ZBTB26: variants seen among roughly 807,000 people sequenced by gnomAD.
ZBTB26 encodes the protein zinc finger and BTB domain-containing protein 26.
ZBTB26 carries 12 observed loss-of-function variants against 31.6 expected under a neutral mutation model. The observed-to-expected ratio is 0.38, with a 90% CI of 0.24 to 0.61. ZBTB26 has a LOEUF of 0.61. Ranked by LOEUF, ZBTB26 falls within the 20% of genes least tolerant of loss-of-function variation. The pLI, the probability that ZBTB26 is intolerant of heterozygous loss-of-function variation, is 0.60. For synonymous variants in ZBTB26, 155 were observed against 182.9 expected, an observed-to-expected ratio of 0.85 and a Z score of 1.23; for missense variants, 311 against 521.9, an observed-to-expected ratio of 0.60 and a Z score of 3.94.
Position 122,918,652 on chromosome 9 carries a change from T to C in ZBTB26, c.1283A>G (p.Gln428Arg), listed in dbSNP as rs959500116. ...TQVLDAGKLA[Q>R]AVLNLRNDST... is the part of the protein sequence containing the mutation. The stretch of plus-strand genomic sequence containing the variant: ...ATCATTTCTTAAGTTCAGGACAGCT[T>C]GGGCCAGTTTACCTGCATCCAGGAC... Residue 428 changes from glutamine to arginine, a missense_variant, in exon 2 of 2, where the codon CAA becomes CGA. Physicochemically the swap from Gln to Arg is conservative, Grantham distance 43. This residue lies in a region of ZBTB26 where 49 missense variants were observed against 66.0 expected (regional missense o/e 0.74). Coordinates refer to ENST00000373656, the MANE Select transcript of ZBTB26 (RefSeq NM_020924.4). 7 of 1,614,178 alleles carry C rather than the reference T, an allele frequency of 4.3e-6. No individual in the cohort carries two copies. The highest frequency in any genetic ancestry group is 5.9e-6 in the Non-Finnish European group (7 of 1,180,016).
intron 1 of ZBTB26, among the ~76,000 whole-genome samples, chr9:122,921,094 T>C (rs1293291384): frequency 6.6e-6 from 1 of 152,210 alleles, no homozygotes; most frequent in African/African-American, 2.4e-5. Flanking sequence ...CATTCAACAA[T>C]GGAGAAGGTA....
At chr9:122,928,131 G>A (rs1247195492) in intron 1 of ZBTB26, among the ~76,000 whole-genome samples, 12 of 152,086 alleles carry the variant, frequency 7.9e-5, no homozygotes, top group East Asian at 1.9e-4. Flanking sequence ...CGCTGTGCCC[G>A]GCCCCTCCTG....
chr9:122,924,852 C>T (rs573875563), intron 1 of ZBTB26, among the ~76,000 whole-genome samples: 7 of 151,970 alleles, frequency 4.6e-5, no homozygotes, highest in Admixed American at 1.3e-4. Context: ...AGTGTAGTGG[C>T]GCAATCAAAT....
Position 122,918,402 on chromosome 9 carries a change from A to C in ZBTB26, c.*207T>G. ...AAAGGAAAACAGACTTTACAAGATA[A>C]ATAACTCAAAACAGAAAATGGGAGA... On this transcript the variant is annotated 3_prime_UTR_variant, in exon 2 of 2. Coordinates refer to ENST00000373656, the MANE Select transcript of ZBTB26 (RefSeq NM_020924.4). 1 of 618,752 alleles carries C rather than the reference A, an allele frequency of 1.6e-6. No individual in the cohort carries two copies. The highest frequency in any genetic ancestry group is 2.4e-5 in the South Asian group (1 of 41,892). The allele number at this position is 618,752 out of a possible 1,614,324, so 38.3% of individuals were successfully genotyped here. A position where few individuals can be genotyped will look rare whatever the true frequency, so the allele number is the denominator to read the frequency against.
At position 122,917,690 on chromosome 9, in the gene ZBTB26, A is replaced by T. The variant is rs1833032630; in HGVS notation, c.*919T>A. 1 of 152,198 alleles carries T rather than the reference A, an allele frequency of 6.6e-6. No individual in the cohort carries two copies. The highest frequency in any genetic ancestry group is 1.5e-5 in the Non-Finnish European group (1 of 68,034). 9.4% of individuals were successfully genotyped at this position (152,198 alleles called of 1,614,324 possible). On this transcript the variant is annotated 3_prime_UTR_variant, in exon 2 of 2. Coordinates refer to ENST00000373656, the MANE Select transcript of ZBTB26 (RefSeq NM_020924.4). Reference sequence around the variant, plus strand: ...GCACAGGACAAAACTCTGATGGCCAAACTCACCTTTCTGATGGCTAAACTC... The same window carrying T: ...GCACAGGACAAAACTCTGATGGCCATACTCACCTTTCTGATGGCTAAACTC...
intron 1 of ZBTB26, among the ~76,000 whole-genome samples, chr9:122,924,488 T>G (rs1833148036): frequency 6.6e-6 from 1 of 152,218 alleles, no homozygotes; most frequent in Non-Finnish European, 1.5e-5. Flanking sequence ...TGTTCCCCCA[T>G]GAAATTATTA....
At chr9:122,928,021 G>T (rs1833209682) in intron 1 of ZBTB26, among the ~76,000 whole-genome samples, 1 of 152,036 alleles carries the variant, frequency 6.6e-6, no homozygotes, top group Non-Finnish European at 1.5e-5. Flanking sequence ...TTTTAGTAGA[G>T]ATGGGGTTTC....
intron 1 of ZBTB26, among the ~76,000 whole-genome samples, chr9:122,925,210 A>C (rs1316601289): frequency 6.6e-6 from 1 of 151,942 alleles, no homozygotes; most frequent in East Asian, 1.9e-4. Flanking sequence ...CCGTCTCTAC[A>C]AAAAATACAA....
At chr9:122,925,694 G>T (rs1445002337) in intron 1 of ZBTB26, among the ~76,000 whole-genome samples, 1 of 151,212 alleles carries the variant, frequency 6.6e-6, no homozygotes, top group African/African-American at 2.4e-5. Flanking sequence ...TGCCTCCTGG[G>T]TTCAAGTGAT....
chr9:122,919,008 C>T lies in ZBTB26; in HGVS notation c.927G>A (p.Gln309=). Residue 309 remains glutamine (Q), a synonymous_variant, in exon 2 of 2, where the codon CAG becomes CAA. Coordinates refer to ENST00000373656, the MANE Select transcript of ZBTB26 (RefSeq NM_020924.4). This position sits in a 1 kb window ranked among gnomAD's most constrained non-coding sequence, Gnocchi z 6.1. ...MCLLCGKTFT[Q]KGNLHRHMRV... Reference sequence around the variant, plus strand: ...GCATGTGTCGATGAAGGTTGCCTTTCTGAGTGAAAGTCTTGCCGCAGAGTA... The same window carrying T: ...GCATGTGTCGATGAAGGTTGCCTTTTTGAGTGAAAGTCTTGCCGCAGAGTA... 1.2e-6 allele frequency: 2 copies of T among 1,614,170 alleles called. No individual in the cohort carries two copies. Among genetic ancestry groups the T allele is most frequent in the Non-Finnish European group, 1.7e-6 (2 of 1,180,040 alleles).
rs1833055656 is a variant in ZBTB26 at position 122,918,961 on chromosome 9, G to T, written c.974C>A (p.Pro325His). 6.2e-7 allele frequency: 1 copy of T among 1,614,230 alleles called. No individual in the cohort carries two copies. The highest frequency in any genetic ancestry group is 8.5e-7 in the Non-Finnish European group (1 of 1,180,040). The change falls in exon 2 of 2, where the codon CCT (proline) becomes CAT (histidine). Residue 325 changes from proline (P) to histidine (H), a missense_variant. This residue lies in a region of ZBTB26 where 25 missense variants were observed against 93.0 expected (regional missense o/e 0.27). Coordinates refer to ENST00000373656, the MANE Select transcript of ZBTB26 (RefSeq NM_020924.4). ...TTTCCCACAGATTTTACACTGGAAA[G>T]GTTTAATTCCGGCATGCACACGCAT... ...RHMRVHAGIK[P>H]FQCKICGKTF...
At chr9:122,921,931 C>T (rs1833105678) in intron 1 of ZBTB26, among the ~76,000 whole-genome samples, 2 of 147,772 alleles carry the variant, frequency 1.4e-5, no homozygotes, top group South Asian at 4.3e-4. Flanking sequence ...AACTCCATCA[C>T]AAAAACAAAA....
At position 122,919,103 on chromosome 9, in the gene ZBTB26, A is replaced by G; in HGVS notation, c.832T>C (p.Cys278Arg). ...GLQWHHQCPK[C>R]TRVFRHLENY... is the part of the protein sequence containing the mutation. ...TCCAGGTGACGAAACACCCTGGTACACTTTGGGCACTGGTGATGCCACTGT... is the reference window on the plus strand; with the variant it reads ...TCCAGGTGACGAAACACCCTGGTACGCTTTGGGCACTGGTGATGCCACTGT... The change falls in exon 2 of 2, where the codon TGT (cysteine) becomes CGT (arginine). Residue 278 changes from cysteine to arginine, a missense_variant. Cys to Arg is a radical substitution (Grantham distance 180). Coordinates refer to ENST00000373656, the MANE Select transcript of ZBTB26 (RefSeq NM_020924.4). This position sits in a 1 kb window ranked among gnomAD's most constrained non-coding sequence, Gnocchi z 6.1. 6.2e-7 allele frequency: 1 copy of G among 1,614,188 alleles called. No individual in the cohort carries two copies. The highest frequency in any genetic ancestry group is 8.5e-7 in the Non-Finnish European group (1 of 1,180,030).
intron 1 of ZBTB26, among the ~76,000 whole-genome samples, chr9:122,927,888 T>G (rs1170050849): frequency 6.6e-6 from 1 of 152,170 alleles, no homozygotes; most frequent in African/African-American, 2.4e-5. Flanking sequence ...CAGGCTTGAG[T>G]GCAGTGGTGC....
At position 122,925,746 on chromosome 9, in the gene ZBTB26, C is replaced by T. The variant is rs543015060; in HGVS notation, c.-11+5691G>A. On this transcript the variant is annotated intron_variant, in intron 1 of 1. Transcript: ENST00000373656. ...CCTGAGTAGCTGGGATTACAGGTGC[C>T]TGCCACCATGCCCAGCTAATTTTTT... Among the ~76,000 whole-genome samples the T allele has an allele frequency of 2.5e-3, 372 of 147,744 alleles. 2 individuals are homozygous for T. Among genetic ancestry groups the T allele is most frequent in the African/African-American group, 8.8e-3 (349 of 39,794 alleles).
intron 1 of ZBTB26, among the ~76,000 whole-genome samples, chr9:122,920,592 A>C (rs1442590428): frequency 6.6e-6 from 1 of 152,246 alleles, no homozygotes; most frequent in Non-Finnish European, 1.5e-5. Context: ...TTATTCATAC[A>C]AGTATTTCTG....
Position 122,919,874 on chromosome 9 carries a change from G to T in ZBTB26, c.61C>A (p.Gln21Lys). ...TCTTCTCTTAATTTGTTCATTTTTT[G>T]TAACATTGAATCTCCATAATTTTCA... ...KFENYGDSML[Q>K]KMNKLREENK... is the part of the protein sequence containing the mutation. Residue 21 changes from glutamine to lysine, a missense_variant, in exon 2 of 2, where the codon CAA (glutamine) becomes AAA (lysine). Coordinates refer to ENST00000373656, the MANE Select transcript of ZBTB26 (RefSeq NM_020924.4). The surrounding 1 kb of genome is among the most constrained non-coding windows in gnomAD (Gnocchi z 6.1). The T allele has an allele frequency of 6.2e-7, 1 of 1,611,988 alleles. No individual in the cohort carries two copies. The highest frequency in any genetic ancestry group is 8.5e-7 in the Non-Finnish European group (1 of 1,179,082).
chr9:122,929,317 C>G (rs149784155), intron 1 of ZBTB26, among the ~76,000 whole-genome samples: 26 of 152,328 alleles, frequency 1.7e-4, no homozygotes, highest in Middle Eastern at 3.4e-3. Flanking sequence ...AAACATAAAT[C>G]CTTTACTTAC....
rs143122693 is a variant in ZBTB26, at chr9:122,923,183, C to CAAAAAAAAAAAAAG, written c.-10-3240_-10-3239insCTTTTTTTTTTTTT. On this transcript the variant is annotated intron_variant, in intron 1 of 1. Transcript: ENST00000373656. ...TAGGCAACAGAGCAAGACTCCATCT[C>CAAAAAAAAAAAAAG]AAAAAAAAAAAAGAAAAAAAAAAAA... is the stretch of plus-strand genomic sequence containing the variant. 7.7e-5 allele frequency among the ~76,000 whole-genome samples: 9 copies of CAAAAAAAAAAAAAG among 116,390 alleles called. No homozygotes were observed. In the East Asian group the frequency reaches 2.1e-3, roughly 27 times the overall value. 76.4% of individuals were successfully genotyped at this position (116,390 alleles called of 152,430 possible).
Sources: gnomAD v4.1 joint callset for allele counts (sites outside exome capture counted in the v4.1 genomes callset) on GRCh38, gnomAD v4.1.1 for gene constraint, gnomAD v4.1.1 regional missense constraint, Gnocchi (gnomAD v3.1) non-coding constraint, MANE v1.5 for transcripts, NCBI Gene and HGNC (gene_info 2026-07-23, HGNC 2026-07-21) for gene names.